The following STK32C variants were observed in gnomAD, a reference collection of about 807,000 sequenced individuals.
STK32C encodes serine/threonine kinase 32C, also known as serine/threonine-protein kinase 32C.
In STK32C, 31 loss-of-function variants were observed where a neutral mutation model predicts 56.5. That is an observed-to-expected ratio of 0.55 (90% confidence interval 0.41 to 0.74). STK32C has a LOEUF of 0.74. Among genes scored for constraint, STK32C ranks in the 30% least tolerant of loss-of-function variants. STK32C has a pLI of 0.00. For synonymous variants in STK32C, 309 were observed against 289.4 expected, an observed-to-expected ratio of 1.07 and a Z score of -0.69; for missense variants, 544 against 676.9, an observed-to-expected ratio of 0.80 and a Z score of 2.18.
rs2062201840 is a variant in STK32C at position 132,209,021 on chromosome 10, C to T, written c.1319+13G>A. 2.5e-6 allele frequency: 4 copies of T among 1,612,968 alleles called. No homozygotes were observed. The highest frequency in any genetic ancestry group is 3.4e-6 in the Non-Finnish European group (4 of 1,179,380). ...TCTCTGCCACCACGCCCACCCACCC[C>T]CAACACACTCACTTTTCTCTGTTAA... On this transcript the variant is annotated intron_variant, in intron 11 of 11. Coordinates refer to ENST00000298630, the MANE Select transcript of STK32C (RefSeq NM_173575.4).
chr10:132,243,795 C>T lies in STK32C; in HGVS notation c.318+2105G>A, dbSNP rs529891411. On this transcript the variant is annotated intron_variant, in intron 2 of 11. Coordinates refer to ENST00000298630, the MANE Select transcript of STK32C (RefSeq NM_173575.4). ...CCATTTGGCAGGACCCGACTCTACC[C>T]GGTCAGACTCTAAATGCTGCGCCGC... is the stretch of plus-strand genomic sequence containing the variant. 3.6e-4 allele frequency among the ~76,000 whole-genome samples: 55 copies of T among 151,902 alleles called. 1 individual carries two copies. The South Asian group carries it at 0.011, about 30-fold the overall frequency.
intron 2 of STK32C, among the ~76,000 whole-genome samples, chr10:132,228,921 G>A (rs766862615): frequency 2.4e-4 from 36 of 152,226 alleles, no homozygotes; most frequent in Non-Finnish European, 1.0e-4. Flanking sequence ...CCTCCGGGGC[G>A]CCAGTCCCCA....
intron 1 of STK32C, among the ~76,000 whole-genome samples, chr10:132,274,852 G>A (rs1274235730): frequency 6.6e-6 from 1 of 152,226 alleles, no homozygotes; most frequent in Non-Finnish European, 1.5e-5. Flanking sequence ...CCAGGGACGT[G>A]GCAAGGCTGA....
At chr10:132,225,839 T>C in intron 4 of STK32C, 55 bp from the exon 5 acceptor site, 1 of 1,609,200 alleles carries the variant, frequency 6.2e-7, no homozygotes, top group Non-Finnish European at 8.5e-7. Context: ...GTTTCTGCCC[T>C]GGAATCTCTG....
intron 2 of STK32C, among the ~76,000 whole-genome samples, chr10:132,243,005 C>T (rs2063559858): frequency 6.6e-6 from 1 of 152,232 alleles, no homozygotes; most frequent in Admixed American, 6.5e-5. Flanking sequence ...GCCAGAGGGG[C>T]CGGGGCTCGG....
At chr10:132,326,821 G>C (rs184075954) in intron 1 of STK32C, among the ~76,000 whole-genome samples, 122 of 152,306 alleles carry the variant, frequency 8.0e-4, no homozygotes, top group African/African-American at 2.8e-3. Flanking sequence ...ACTAGTTTCA[G>C]GTTTCTTTGG....
chr10:132,224,003 G>A (rs1050904204), intron 8 of STK32C, among the ~76,000 whole-genome samples: 1 of 152,220 alleles, frequency 6.6e-6, no homozygotes, highest in African/African-American at 2.4e-5. Flanking sequence ...GGAGGCACTG[G>A]GGCAAAGGGT....
chr10:132,279,343 A>G (rs2065083816), intron 1 of STK32C, among the ~76,000 whole-genome samples: 2 of 152,148 alleles, frequency 1.3e-5, no homozygotes, highest in African/African-American at 4.8e-5. Context: ...CGGCGTGCTG[A>G]TAAGAACATA....
In STK32C at chr10:132,208,021, C is replaced by T. The variant is rs774765970; in HGVS notation, c.1450G>A (p.Gly484Arg). The T allele has an allele frequency of 1.5e-6, 2 of 1,309,022 alleles. No individual in the cohort carries two copies. Among genetic ancestry groups the T allele is most frequent in the Non-Finnish European group, 9.8e-7 (1 of 1,021,728 alleles). The allele number at this position is 1,309,022 out of a possible 1,614,324, so 81.1% of individuals were successfully genotyped here. ...ACGGGCGTCCCGGCCTAGCCGCTCC[C>T]GGCCGAGGGGCAAATGGGGCCGCAC... ...PMCGPICPSA[G>R]SG The change falls in exon 12 of 12, where the codon GGG (glycine) becomes AGG (arginine). Residue 484 changes from glycine (G) to arginine (R), a missense_variant. Physicochemically the swap from Gly to Arg is moderately radical, Grantham distance 125. This residue lies in a region of STK32C where 277 missense variants were observed against 309.3 expected (regional missense o/e 0.90). Coordinates refer to ENST00000298630, the MANE Select transcript of STK32C (RefSeq NM_173575.4).
chr10:132,317,625 G>A (rs1375642537), intron 1 of STK32C, among the ~76,000 whole-genome samples: 3 of 152,048 alleles, frequency 2.0e-5, no homozygotes, highest in Non-Finnish European at 4.4e-5. Flanking sequence ...AGTTTGGGAG[G>A]CTGAGGTTAG....
intron 1 of STK32C, among the ~76,000 whole-genome samples, chr10:132,272,825 C>T (rs1284299782): frequency 1.3e-5 from 2 of 152,194 alleles, no homozygotes; most frequent in Admixed American, 6.5e-5. Flanking sequence ...CATGTCCTTC[C>T]GGCTGCCAGC....
At chr10:132,295,647 G>A (rs762683682) in intron 1 of STK32C, among the ~76,000 whole-genome samples, 3 of 152,054 alleles carry the variant, frequency 2.0e-5, no homozygotes, top group Non-Finnish European at 4.4e-5. Context: ...GCACTTCGGG[G>A]GGCCGAGGAG....
At chr10:132,328,429 T>C (rs2138494871) in intron 1 of STK32C, among the ~76,000 whole-genome samples, 1 of 152,310 alleles carries the variant, frequency 6.6e-6, no homozygotes, top group East Asian at 1.9e-4. Flanking sequence ...AGTGATGTTA[T>C]ACCCAGGAGC....
rs764826224 is a variant in STK32C, at chr10:132,226,932, G to A, written c.507C>T (p.Val169=). The change falls in exon 4 of 12, where the codon GTC becomes GTT. Residue 169 remains valine, a synonymous_variant. Transcript: ENST00000298630. ...GGTCCCCGCCCAGTAGCAGGTCCAC[G>A]ACCATGAACATGTCCTCCTCGTCCT... ...SFQDEEDMFM[V]VDLLLGGDLR... The A allele has an allele frequency of 1.2e-5, 19 of 1,613,300 alleles. No individual in the cohort carries two copies. The highest frequency in any genetic ancestry group is 4.0e-5 in the African/African-American group (3 of 74,942).
At chr10:132,301,139 T>C (rs1487449284) in intron 1 of STK32C, among the ~76,000 whole-genome samples, 2 of 151,512 alleles carry the variant, frequency 1.3e-5, no homozygotes, top group African/African-American at 4.9e-5. Context: ...TAACGCCCAG[T>C]AGAAGGCCTG....
At chr10:132,226,090 C>G (rs901342718) in intron 4 of STK32C, among the ~76,000 whole-genome samples, 16 of 152,228 alleles carry the variant, frequency 1.1e-4, no homozygotes, top group Admixed American at 9.2e-4. Flanking sequence ...CTGCCCTCCC[C>G]CTCCAAGACT....
chr10:132,293,440 G>A (rs1028038980), intron 1 of STK32C, among the ~76,000 whole-genome samples: 3 of 152,270 alleles, frequency 2.0e-5, no homozygotes, highest in Non-Finnish European at 2.9e-5. Flanking sequence ...AGGCCAGTGT[G>A]ACAGTGAGCC....
rs1044353357 is a variant in STK32C at position 132,246,090 on chromosome 10, G to A, written c.263-135C>T. 7 of 869,876 alleles carry A rather than the reference G, an allele frequency of 8.0e-6. No individual in the cohort carries two copies. In the African/African-American group the frequency reaches 9.9e-5, roughly 12 times the overall value. 53.9% of individuals were successfully genotyped at this position (869,876 alleles called of 1,614,324 possible). A position where few individuals can be genotyped will look rare whatever the true frequency, so the allele number is the denominator to read the frequency against. ...CCTAGAAGAGGGTCGCCGTGGGGCGGGCCAAACTCTCGCTCCTGTGCGAGG... is the reference window on the plus strand; with the variant it reads ...CCTAGAAGAGGGTCGCCGTGGGGCGAGCCAAACTCTCGCTCCTGTGCGAGG... On this transcript the variant is annotated intron_variant, in intron 1 of 11. Coordinates refer to ENST00000298630, the MANE Select transcript of STK32C (RefSeq NM_173575.4).
In STK32C at chr10:132,209,104, G is replaced by A; in HGVS notation, c.1252-3C>T. ...CAGTCTTGAAGATAGTCATTCTCCT[G>A]TGGATGGAAAGGCACACGTGAGCGT... is the stretch of plus-strand genomic sequence containing the variant. On this transcript the variant is annotated splice_region_variant and splice_polypyrimidine_tract_variant and intron_variant, in intron 10 of 11. Coordinates refer to ENST00000298630, the MANE Select transcript of STK32C (RefSeq NM_173575.4). 1 of 1,613,718 alleles carries A rather than the reference G, an allele frequency of 6.2e-7. No homozygotes were observed.
Sources: gnomAD v4.1 joint callset for allele counts (sites outside exome capture counted in the v4.1 genomes callset) on GRCh38, gnomAD v4.1.1 for gene constraint, gnomAD v4.1.1 regional missense constraint, MANE v1.5 for transcripts, NCBI Gene and HGNC (gene_info 2026-07-23, HGNC 2026-07-21) for gene names.